Variants in TOP2A observed in about 807,000 individuals in gnomAD.
TOP2A encodes the protein DNA topoisomerase II alpha.
TOP2A carries 68 observed loss-of-function variants against 187.2 expected under a neutral mutation model. That is an observed-to-expected ratio of 0.36 (90% confidence interval 0.30 to 0.44). The LOEUF (loss-of-function observed/expected upper bound fraction) is 0.44. Ranked by LOEUF, TOP2A falls within the 20% of genes least tolerant of loss-of-function variation. The pLI is 1.00. For synonymous variants in TOP2A, 542 were observed against 593.2 expected (o/e 0.91, Z 1.25); for missense variants, 1,196 against 1,808.7 (o/e 0.66, Z 6.14).
chr17:40,400,812 G>T (rs1250680380), intron 21 of TOP2A, 38 bp downstream of exon 21: 1 of 1,598,768 alleles, frequency 6.3e-7, no homozygotes, highest in Non-Finnish European at 8.5e-7. Context: ...TGAAACCCAA[G>T]GAAAAGTTAA....
intron 25 of TOP2A, 34 bp downstream of exon 25, chr17:40,399,006 T>G: frequency 6.3e-7 from 1 of 1,594,084 alleles, no homozygotes; most frequent in Non-Finnish European, 8.6e-7. Flanking sequence ...ATACATAGTC[T>G]TTAACAATAT....
rs1362520530 is a variant in TOP2A, at chr17:40,400,701, T to C, written c.2665-38A>G. Reference sequence around the variant, plus strand: ...TTAAAAAAACAGTATGTTTTCTAAATGTGATACTAGACGGAAATCACAACA... The same window carrying C: ...TTAAAAAAACAGTATGTTTTCTAAACGTGATACTAGACGGAAATCACAACA... On this transcript the variant is annotated intron_variant, in intron 21 of 34. Coordinates refer to ENST00000423485, the MANE Select transcript of TOP2A (RefSeq NM_001067.4). 3 of 1,576,110 alleles carry C rather than the reference T, an allele frequency of 1.9e-6. No homozygotes were observed. The Admixed American group carries it at 5.7e-5, about 30-fold the overall frequency.
chr17:40,415,868 G>GT, intron 4 of TOP2A, 137 bp downstream of exon 4: 2 of 614,880 alleles, frequency 3.3e-6, no homozygotes, highest in Non-Finnish European at 5.8e-6. Context: ...GTATCCATAG[G>GT]TTTTTCATTT....
At chr17:40,408,238 C>G in intron 11 of TOP2A, 114 bp from the exon 12 acceptor site, 1 of 904,508 alleles carries the variant, frequency 1.1e-6, no homozygotes. Context: ...ATATAATGAG[C>G]AAAATTATTT....
chr17:40,398,884 CTT>C lies in TOP2A; in HGVS notation c.3340_3341del (p.Lys1114GlufsTer2). ...GTCCAGAATCTGTTACGGAGTCACT[CTT>C]TTCAGTTTCCTTTTCGTTGTCACTC... ...EESDNEKETE[K>X]SDSVTDSGPT... On this transcript the variant is annotated frameshift_variant, in exon 26 of 35. Transcript: ENST00000423485. LOFTEE classifies it high-confidence loss of function. The C allele has an allele frequency of 1.2e-6, 2 of 1,613,612 alleles. No individual in the cohort carries two copies. Among genetic ancestry groups the C allele is most frequent in the Non-Finnish European group, 1.7e-6 (2 of 1,179,764 alleles).
At chr17:40,394,378 G>T (rs948835666) in intron 29 of TOP2A, among the ~76,000 whole-genome samples, 3 of 152,138 alleles carry the variant, frequency 2.0e-5, no homozygotes, top group African/African-American at 7.2e-5. Context: ...TGTCACCCAG[G>T]CTGGAGTGCA....
At chr17:40,415,135 A>G (rs2035374585) in intron 4 of TOP2A, among the ~76,000 whole-genome samples, 1 of 151,100 alleles carries the variant, frequency 6.6e-6, no homozygotes, top group Admixed American at 6.6e-5. Flanking sequence ...GCTCACTGCA[A>G]GCTCCACCTC....
intron 18 of TOP2A, 29 bp downstream of exon 18, chr17:40,404,348 T>A (rs771183485): frequency 1.2e-5 from 20 of 1,606,328 alleles, no homozygotes; most frequent in Non-Finnish European, 8.5e-7. Context: ...CATCTTACAA[T>A]GAAAACAGAC....
At position 40,398,610 on chromosome 17, in the gene TOP2A, CTCTT is replaced by C. The variant is rs2035132792; in HGVS notation, c.3481_3484del (p.Lys1161ValfsTer62). On this transcript the variant is annotated frameshift_variant, in exon 27 of 35. Coordinates refer to ENST00000423485, the MANE Select transcript of TOP2A (RefSeq NM_001067.4). LOFTEE classifies it high-confidence loss of function. Reference sequence around the variant, plus strand: ...GTCTTCTTTCCACAAATCTGATGGACTCTTTCTTTTTAATGTGTCCAGCTCTTGT... The same window carrying C: ...GTCTTCTTTCCACAAATCTGATGGACTCTTTTTAATGTGTCCAGCTCTTGT... 1.9e-6 allele frequency: 3 copies of C among 1,594,302 alleles called. No homozygotes were observed. Among genetic ancestry groups the C allele is most frequent in the Non-Finnish European group, 2.6e-6 (3 of 1,168,872 alleles).
chr17:40,393,257 G>T (rs982624822), intron 29 of TOP2A, among the ~76,000 whole-genome samples: 9 of 152,046 alleles, frequency 5.9e-5, no homozygotes, highest in African/African-American at 2.2e-4. Context: ...AGCCTGGGAG[G>T]TCGAGGCTGC....
At chr17:40,401,489 C>G (rs2035179896) in intron 20 of TOP2A, among the ~76,000 whole-genome samples, 1 of 152,120 alleles carries the variant, frequency 6.6e-6, no homozygotes. Flanking sequence ...GGAGGCAGAT[C>G]ACCTGAGGTC....
Position 40,406,791 on chromosome 17 carries a change from G to C in TOP2A, c.1737+41C>G, listed in dbSNP as rs758725409. The C allele has an allele frequency of 3.2e-6, 5 of 1,578,806 alleles. No homozygotes were observed. The South Asian group carries it at 4.5e-5, about 14-fold the overall frequency. On this transcript the variant is annotated intron_variant, in intron 14 of 34. Transcript: ENST00000423485. ...ATGTATATCCAGGTTTGAGGAGTAG[G>C]GTCTTAAAATATCCATGATGGTACT...
At position 40,392,361 on chromosome 17, in the gene TOP2A, C is replaced by T. The variant is rs1295800094; in HGVS notation, c.3965-20G>A. 1 of 1,568,598 alleles carries T rather than the reference C, an allele frequency of 6.4e-7. No homozygotes were observed. The highest frequency in any genetic ancestry group is 8.7e-7 in the Non-Finnish European group (1 of 1,155,748). Reference sequence around the variant, plus strand: ...TTTTTGCTAGTAAAAAAACCATATACAAAAAAATCAAAGAGGGTAGTAGGA... The same window carrying T: ...TTTTTGCTAGTAAAAAAACCATATATAAAAAAATCAAAGAGGGTAGTAGGA... On this transcript the variant is annotated intron_variant, in intron 30 of 34. Coordinates refer to ENST00000423485, the MANE Select transcript of TOP2A (RefSeq NM_001067.4).
intron 31 of TOP2A, 38 bp downstream of exon 31, chr17:40,392,180 A>C (rs769570843): frequency 6.2e-7 from 1 of 1,612,160 alleles, no homozygotes; most frequent in Admixed American, 1.7e-5. Context: ...TATATTAGAA[A>C]CAATCATGAC....
At chr17:40,413,664 T>G in intron 4 of TOP2A, 39 bp from the exon 5 acceptor site, 4 of 984,060 alleles carry the variant, frequency 4.1e-6, no homozygotes, top group African/African-American at 1.7e-5. Flanking sequence ...TTACAACACA[T>G]TAAACGAATG....
intron 20 of TOP2A, among the ~76,000 whole-genome samples, chr17:40,401,913 C>T (rs990717856): frequency 6.6e-6 from 1 of 152,024 alleles, no homozygotes; most frequent in South Asian, 2.1e-4. Context: ...GGTGGGGACA[C>T]GGATCACATA....
In TOP2A at chr17:40,400,394, C is replaced by A. The variant is rs570040048; in HGVS notation, c.2815G>T (p.Val939Phe). 2.5e-6 allele frequency: 4 copies of A among 1,613,384 alleles called. No individual in the cohort carries two copies. The highest frequency in any genetic ancestry group is 3.4e-6 in the Non-Finnish European group (4 of 1,179,786). Reference protein sequence around the residue: ...RTWTQTYKEQVLEPMLNGTEK... With the variant: ...RTWTQTYKEQFLEPMLNGTEK... Reference sequence around the variant, plus strand: ...GTGCCATTCAACATGGGTTCTAGAACTTGTTCTTTGTATGTCTAAAGAAAG... The same window carrying A: ...GTGCCATTCAACATGGGTTCTAGAAATTGTTCTTTGTATGTCTAAAGAAAG... The change falls in exon 23 of 35, where the codon GTT (valine) becomes TTT (phenylalanine). Residue 939 changes from valine to phenylalanine, a missense_variant. Transcript: ENST00000423485.
At chr17:40,394,450 A>C (rs150524398) in intron 29 of TOP2A, among the ~76,000 whole-genome samples, 1,685 of 152,294 alleles carry the variant, frequency 0.011, 32 homozygotes, top group African/African-American at 0.039. Context: ...CTCGTGCCTC[A>C]GCCTCTCGAG....
chr17:40,411,720 C>A lies in TOP2A; in HGVS notation c.888G>T (p.Arg296Ser). The A allele has an allele frequency of 6.2e-7, 1 of 1,613,344 alleles. No homozygotes were observed. The highest frequency in any genetic ancestry group is 8.5e-7 in the Non-Finnish European group (1 of 1,179,690). The change falls in exon 8 of 35, where the codon AGG becomes AGT. Residue 296 changes from arginine (R) to serine (S), a missense_variant. Arg to Ser is a moderately radical substitution (Grantham distance 110, BLOSUM62 -1). Around this residue, in one of 10 missense-constraint regions of TOP2A, gnomAD observed 252 missense variants for 434.8 expected, o/e 0.58. Transcript: ENST00000423485. This position sits in a 1 kb window ranked among gnomAD's most constrained non-coding sequence, Gnocchi z 4.4. ...LKVIHEQVNH[R>S]WEVCLTMSEK... ...CACTCATAGTTAAACACACTTCCCACCTGTGGTTTACTTGTTCATGTATTA... is the reference window on the plus strand; with the variant it reads ...CACTCATAGTTAAACACACTTCCCAACTGTGGTTTACTTGTTCATGTATTA...
Sources: gnomAD v4.1 joint callset for allele counts (sites outside exome capture counted in the v4.1 genomes callset) on GRCh38, gnomAD v4.1.1 for gene constraint, gnomAD v4.1.1 regional missense constraint, Gnocchi (gnomAD v3.1) non-coding constraint, MANE v1.5 for transcripts, NCBI Gene and HGNC (gene_info 2026-07-23, HGNC 2026-07-21) for gene names.